The following CYRIB variants were observed in gnomAD, a reference collection of about 807,000 sequenced individuals.
The protein encoded by CYRIB is CYFIP related Rac1 interactor B, also known as CYFIP-related Rac1 interactor B.
Under a neutral mutation model 44.2 loss-of-function variants are expected in CYRIB, and 8 were observed. The observed-to-expected ratio is 0.18, with a 90% CI of 0.11 to 0.33. The LOEUF (loss-of-function observed/expected upper bound fraction) is 0.33. Ranked by LOEUF, CYRIB falls within the 10% of genes least tolerant of loss-of-function variation. CYRIB has a pLI of 1.00. For missense variants in CYRIB, 185 were observed against 382.8 expected, an observed-to-expected ratio of 0.48 and a Z score of 4.31; for synonymous variants, 131 against 127.2, an observed-to-expected ratio of 1.03 and a Z score of -0.20.
intron 1 of CYRIB, among the ~76,000 whole-genome samples, chr8:129,920,817 C>A (rs900444289): frequency 6.6e-6 from 1 of 152,098 alleles, no homozygotes. Context: ...GGAGCACTTA[C>A]GTATTCTAGA....
upstream of CYRIB, among the ~76,000 whole-genome samples, chr8:129,944,505 G>A (rs1428769099): frequency 6.6e-6 from 1 of 152,018 alleles, no homozygotes; most frequent in Non-Finnish European, 1.5e-5. Flanking sequence ...TTGCTTTGCC[G>A]GGCGCGGTGG....
chr8:129,930,287 C>T (rs561787147), intron 1 of CYRIB, among the ~76,000 whole-genome samples: 1 of 141,228 alleles, frequency 7.1e-6, no homozygotes, highest in African/African-American at 2.6e-5. Context: ...TAGAAGGGAT[C>T]TGAGAGACAA....
At chr8:129,975,569 GC>G (rs1275647113) in intron 1 of CYRIB, among the ~76,000 whole-genome samples, 1 of 152,170 alleles carries the variant, frequency 6.6e-6, no homozygotes, top group Non-Finnish European at 1.5e-5. Context: ...ACGCCACGGA[GC>G]AAAACCCAGG....
At chr8:129,988,128 A>G (rs1178825521) in intron 1 of CYRIB, among the ~76,000 whole-genome samples, 4 of 152,164 alleles carry the variant, frequency 2.6e-5, no homozygotes, top group Admixed American at 1.3e-4. Flanking sequence ...TGAGGACGGA[A>G]CAAAGGTTTC....
intron 2 of CYRIB, among the ~76,000 whole-genome samples, chr8:129,888,065 A>G (rs1460024819): frequency 6.6e-6 from 1 of 152,130 alleles, no homozygotes; most frequent in African/African-American, 2.4e-5. Context: ...GAACAGAATG[A>G]TATGGTTTGA....
In CYRIB at chr8:129,848,161, G is replaced by A. The variant is rs1028479592; in HGVS notation, c.840+1082C>T. Among the ~76,000 whole-genome samples, 36 of 152,296 alleles carry A rather than the reference G, an allele frequency of 2.4e-4. 1 individual carries two copies. The highest frequency in any genetic ancestry group is 2.4e-3 in the Admixed American group (36 of 15,300). ...ACTTTAGTTGCCCTGTCAGTAAAGG[G>A]AGATGACACCTAAAAGAGTATTTTC... is the stretch of plus-strand genomic sequence containing the variant. On this transcript the variant is annotated intron_variant, in intron 10 of 11. Transcript: ENST00000519824.
chr8:129,963,768 A>G (rs982391927), intron 2 of CYRIB, among the ~76,000 whole-genome samples: 1 of 152,236 alleles, frequency 6.6e-6, no homozygotes, highest in East Asian at 1.9e-4. Flanking sequence ...AGAGACCAGC[A>G]AAGTGCTAAG....
chr8:129,928,332 A>T (rs571925836), intron 1 of CYRIB, among the ~76,000 whole-genome samples: 27 of 152,010 alleles, frequency 1.8e-4, no homozygotes, highest in Admixed American at 5.9e-4. Flanking sequence ...AAGAAAAAAA[A>T]AAAAAAAACA....
intron 1 of CYRIB, among the ~76,000 whole-genome samples, chr8:129,915,083 G>A (rs1361916902): frequency 1.3e-5 from 2 of 152,170 alleles, no homozygotes; most frequent in East Asian, 3.8e-4. Context: ...CTTGTGCAAA[G>A]CCACTTTAAA....
At chr8:130,003,669 C>T (rs757616598) in intron 1 of CYRIB, among the ~76,000 whole-genome samples, 3 of 152,176 alleles carry the variant, frequency 2.0e-5, no homozygotes, top group African/African-American at 4.8e-5. Flanking sequence ...TCAGGGAAAA[C>T]GAAAGATCAG....
intron 8 of CYRIB, chr8:129,851,616 CTG>C (rs1384234411): frequency 6.6e-6 from 1 of 152,212 alleles, no homozygotes; most frequent in Non-Finnish European, 1.5e-5. Context: ...CGAGACCAGC[CTG>C]ACCAACATGC....
intron 2 of CYRIB, among the ~76,000 whole-genome samples, chr8:129,891,292 T>C (rs2065288833): frequency 6.6e-6 from 1 of 152,276 alleles, no homozygotes; most frequent in Non-Finnish European, 1.5e-5. Flanking sequence ...ACTTGTGAAC[T>C]AAATACATAT....
At chr8:129,942,740 C>T (rs1189595476), upstream of CYRIB, among the ~76,000 whole-genome samples, 1 of 152,160 alleles carries the variant, frequency 6.6e-6, no homozygotes, top group East Asian at 1.9e-4. Context: ...TACAATGTGC[C>T]AGGCACTGTA....
At chr8:129,910,726 A>C (rs1462996346) in intron 1 of CYRIB, among the ~76,000 whole-genome samples, 1 of 152,196 alleles carries the variant, frequency 6.6e-6, no homozygotes. Flanking sequence ...TAAGCGCAAG[A>C]GTTCAAGGCC....
At chr8:129,908,141 C>T (rs2076353958) in intron 1 of CYRIB, among the ~76,000 whole-genome samples, 1 of 151,994 alleles carries the variant, frequency 6.6e-6, no homozygotes, top group African/African-American at 2.4e-5. Context: ...AAGAATCTTA[C>T]TTATCTTTGG....
chr8:129,935,472 A>C (rs1221059392), intron 1 of CYRIB, among the ~76,000 whole-genome samples: 1 of 152,166 alleles, frequency 6.6e-6, no homozygotes, highest in East Asian at 1.9e-4. Context: ...AACAAGGTTC[A>C]TGCTACTATG....
intron 2 of CYRIB, among the ~76,000 whole-genome samples, chr8:129,956,870 G>T: frequency 8.9e-6 from 1 of 112,892 alleles, no homozygotes. Context: ...CTTGGCTCTT[G>T]CTCTGTCACC....
intron 2 of CYRIB, among the ~76,000 whole-genome samples, chr8:129,961,246 CT>C (rs1199023794): frequency 6.6e-6 from 1 of 152,184 alleles, no homozygotes; most frequent in Non-Finnish European, 1.5e-5. Flanking sequence ...TATTTCCCCC[CT>C]GTTCAGCTAA....
At chr8:129,912,881 T>TA (rs2078760496) in intron 1 of CYRIB, among the ~76,000 whole-genome samples, 1 of 151,998 alleles carries the variant, frequency 6.6e-6, no homozygotes, top group South Asian at 2.1e-4. Flanking sequence ...CTACTGCTGT[T>TA]AAAGTTATCT....
Sources: gnomAD v4.1 joint callset for allele counts (sites outside exome capture counted in the v4.1 genomes callset) on GRCh38, gnomAD v4.1.1 for gene constraint, MANE v1.5 for transcripts, NCBI Gene and HGNC (gene_info 2026-07-23, HGNC 2026-07-21) for gene names.